The following CCDC88A variants were observed in gnomAD, a reference collection of about 807,000 sequenced individuals.
The protein encoded by CCDC88A is coiled-coil and HOOK domain protein 88A, also known as girdin.
Under a neutral mutation model 234.3 loss-of-function variants are expected in CCDC88A, and 54 were observed. The observed-to-expected ratio is 0.23, with a 90% CI of 0.19 to 0.29. The LOEUF is 0.29. Among genes scored for constraint, CCDC88A ranks in the 10% least tolerant of loss-of-function variants. The pLI is 1.00. For synonymous variants in CCDC88A, 753 were observed against 737.8 expected, an observed-to-expected ratio of 1.02 and a Z score of -0.33; for missense variants, 1,832 against 2,123.4, an observed-to-expected ratio of 0.86 and a Z score of 2.70.
At chr2:55,312,325 A>G (rs1436363169) in intron 23 of CCDC88A, 109 bp downstream of exon 23, 3 of 939,378 alleles carry the variant, frequency 3.2e-6, no homozygotes, top group South Asian at 3.6e-5. Context: ...ACTCAAAAAT[A>G]TTTGTTGAAA....
At chr2:55,386,455 G>GATTAT (rs1389797046) in intron 3 of CCDC88A, among the ~76,000 whole-genome samples, 1 of 38,344 alleles carries the variant, frequency 2.6e-5, no homozygotes, top group Non-Finnish European at 6.5e-5. Context: ...ATTTTTTGTA[G>GATTAT]ATTGTATTTT....
intron 2 of CCDC88A, among the ~76,000 whole-genome samples, chr2:55,410,468 A>G (rs377333571): frequency 7.9e-4 from 120 of 152,320 alleles, no homozygotes; most frequent in African/African-American, 2.9e-3. Context: ...CCTGGTTTAT[A>G]AGCTTTAAAT....
intron 29 of CCDC88A, among the ~76,000 whole-genome samples, chr2:55,299,001 A>G (rs1574000601): frequency 1.3e-5 from 2 of 152,110 alleles, no homozygotes; most frequent in Non-Finnish European, 2.9e-5. Flanking sequence ...GGAGTTCAAG[A>G]CCAGCCTGGT....
intron 2 of CCDC88A, among the ~76,000 whole-genome samples, chr2:55,400,786 G>A (rs1305578779): frequency 6.6e-6 from 1 of 152,128 alleles, no homozygotes; most frequent in Admixed American, 6.6e-5. Flanking sequence ...TGGACCATCT[G>A]TTCTGTGTTG....
At chr2:55,415,770 A>G (rs1405154685) in intron 2 of CCDC88A, among the ~76,000 whole-genome samples, 2 of 152,176 alleles carry the variant, frequency 1.3e-5, no homozygotes, top group African/African-American at 4.8e-5. Flanking sequence ...AACACCACCA[A>G]GTAGGTCCTG....
At chr2:55,361,743 G>C (rs1160391509) in intron 7 of CCDC88A, among the ~76,000 whole-genome samples, 1 of 152,192 alleles carries the variant, frequency 6.6e-6, no homozygotes, top group African/African-American at 2.4e-5. Flanking sequence ...ACTGCTTTCA[G>C]ACAGTGCAGA....
chr2:55,418,892 C>T lies in CCDC88A; in HGVS notation c.88G>A (p.Ala30Thr). 1 of 1,613,992 alleles carries T rather than the reference C, an allele frequency of 6.2e-7. No individual in the cohort carries two copies. Among genetic ancestry groups the T allele is most frequent in the South Asian group, 1.1e-5 (1 of 91,078 alleles). ...TWVKTFGPLA[A>T]GNGTNLDEYV... ...TCATCAAGGTTGGTCCCATTTCCTG[C>T]GGCCAGAGGTCCAAACGTTTTAACC... The change falls in exon 2 of 33, where the codon GCA becomes ACA. Residue 30 changes from alanine to threonine, a missense_variant. Ala to Thr is a moderately conservative substitution (Grantham distance 58, BLOSUM62 0). Around this residue, in one of 6 missense-constraint regions of CCDC88A, gnomAD observed 36 missense variants for 44.0 expected, o/e 0.82. Transcript: ENST00000436346.
At chr2:55,343,028 T>C (rs2104719016) in intron 12 of CCDC88A, among the ~76,000 whole-genome samples, 1 of 152,250 alleles carries the variant, frequency 6.6e-6, no homozygotes, top group Non-Finnish European at 1.5e-5. Context: ...CAAACAATTG[T>C]ACATAATCAT....
intron 3 of CCDC88A, among the ~76,000 whole-genome samples, chr2:55,380,753 C>T (rs994554348): frequency 1.3e-5 from 2 of 152,086 alleles, no homozygotes; most frequent in Non-Finnish European, 2.9e-5. Context: ...GTAGCTGAAA[C>T]TACAGGTGCA....
chr2:55,376,028 G>C (rs1228955612), intron 3 of CCDC88A, among the ~76,000 whole-genome samples: 1 of 152,070 alleles, frequency 6.6e-6, no homozygotes, highest in Non-Finnish European at 1.5e-5. Flanking sequence ...AATACATGTA[G>C]ATTCTGAACG....
At chr2:55,350,722 T>A (rs1004717672) in intron 8 of CCDC88A, 1 of 152,136 alleles carries the variant, frequency 6.6e-6, no homozygotes, top group Admixed American at 6.6e-5. Flanking sequence ...TGCAGTGGCA[T>A]GATCACAGCT....
At chr2:55,337,778 T>G (rs1026497313) in intron 13 of CCDC88A, 1 of 152,110 alleles carries the variant, frequency 6.6e-6, no homozygotes, top group Non-Finnish European at 1.5e-5. Flanking sequence ...AAGCAGAGGT[T>G]GCAGTGAGCT....
rs56233901 is a variant in CCDC88A, at chr2:55,385,852, CAAAAAAAAA to C, written c.273+2917_273+2925del. The stretch of plus-strand genomic sequence containing the variant: ...TAGGTAACAGAGTGAAACTCCATGT[CAAAAAAAAA>C]AAAAAAAAAAAAAAAAAAAAGACAG... On this transcript the variant is annotated intron_variant, in intron 3 of 32. Transcript: ENST00000436346. Among the ~76,000 whole-genome samples the C allele has an allele frequency of 2.2e-4, 14 of 62,476 alleles. 1 individual carries two copies. Among genetic ancestry groups the C allele is most frequent in the African/African-American group, 5.3e-4 (8 of 15,100 alleles). 41.0% of individuals were successfully genotyped at this position (62,476 alleles called of 152,430 possible).
chr2:55,400,891 AATAAC>A (rs1051540486), intron 2 of CCDC88A, among the ~76,000 whole-genome samples: 1 of 152,246 alleles, frequency 6.6e-6, no homozygotes, highest in Non-Finnish European at 1.5e-5. Flanking sequence ...TAATTTATAA[AATAAC>A]ATAACTATGT....
chr2:55,344,459 T>A lies in CCDC88A; in HGVS notation c.1097A>T (p.Gln366Leu), dbSNP rs1248112387. Reference sequence around the variant, plus strand: ...AGAACGAGCACGAGTTCCCTCTAGTTGGTCTTCCAACATGGTTTTTGTTTC... The same window carrying A: ...AGAACGAGCACGAGTTCCCTCTAGTAGGTCTTCCAACATGGTTTTTGTTTC... ...LLETKTMLED[Q>L]LEGTRARSDK... Residue 366 changes from glutamine to leucine, a missense_variant, in exon 11 of 33, where the codon CAA becomes CTA. Physicochemically the swap from Gln to Leu is moderately radical, Grantham distance 113. Coordinates refer to ENST00000436346, the MANE Select transcript of CCDC88A (RefSeq NM_001365480.1). 5.0e-6 allele frequency: 8 copies of A among 1,585,238 alleles called. No homozygotes were observed. Among genetic ancestry groups the A allele is most frequent in the Non-Finnish European group, 6.9e-6 (8 of 1,160,942 alleles).
intron 5 of CCDC88A, 39 bp from the exon 6 acceptor site, chr2:55,364,072 G>A (rs779348510): frequency 5.1e-6 from 5 of 984,728 alleles, no homozygotes; most frequent in Admixed American, 4.2e-5. Flanking sequence ...ATACTTTATA[G>A]GGTATGGTCC....
At position 55,306,724 on chromosome 2, in the gene CCDC88A, A is replaced by C. The variant is rs144052828; in HGVS notation, c.4387+2085T>G. Among the ~76,000 whole-genome samples the C allele has an allele frequency of 4.7e-3, 711 of 152,022 alleles. 7 individuals carry two copies. Among genetic ancestry groups the C allele is most frequent in the African/African-American group, 0.017 (688 of 41,492 alleles). On this transcript the variant is annotated intron_variant, in intron 25 of 32. Coordinates refer to ENST00000436346, the MANE Select transcript of CCDC88A (RefSeq NM_001365480.1). ...CCTCAGCCTCCTGAGTAGCTGGTGCATGCCACCACACTGGGCTAATTTTGG... is the reference window on the plus strand; with the variant it reads ...CCTCAGCCTCCTGAGTAGCTGGTGCCTGCCACCACACTGGGCTAATTTTGG...
chr2:55,333,280 G>T (rs1685139683), intron 15 of CCDC88A, among the ~76,000 whole-genome samples: 1 of 152,100 alleles, frequency 6.6e-6, no homozygotes, highest in South Asian at 2.1e-4. Flanking sequence ...AACTTAAAGG[G>T]TTATCACATA....
chr2:55,337,698 G>T (rs1667972044), intron 13 of CCDC88A: 1 of 152,134 alleles, frequency 6.6e-6, no homozygotes, highest in South Asian at 2.1e-4. Context: ...AACTTAGCCA[G>T]GCATGGTGGC....
Sources: gnomAD v4.1 joint callset for allele counts (sites outside exome capture counted in the v4.1 genomes callset) on GRCh38, gnomAD v4.1.1 for gene constraint, gnomAD v4.1.1 regional missense constraint, MANE v1.5 for transcripts, NCBI Gene and HGNC (gene_info 2026-07-23, HGNC 2026-07-21) for gene names.